IGSF11: variants seen among roughly 807,000 people sequenced by gnomAD.
IGSF11 encodes CXADR like 1.
IGSF11 carries 22 observed loss-of-function variants against 41.0 expected under a neutral mutation model. That is an observed-to-expected ratio of 0.54 (90% confidence interval 0.38 to 0.77). IGSF11 has a LOEUF of 0.77. Among genes scored for constraint, IGSF11 ranks in the 30% least tolerant of loss-of-function variants. The pLI is 0.00. For synonymous variants in IGSF11, 219 were observed against 201.3 expected, an observed-to-expected ratio of 1.09 and a Z score of -0.74; for missense variants, 444 against 530.8, an observed-to-expected ratio of 0.84 and a Z score of 1.61.
At chr3:119,067,338 A>G (rs569861302) in intron 1 of IGSF11, among the ~76,000 whole-genome samples, 50 of 145,444 alleles carry the variant, frequency 3.4e-4, no homozygotes, top group Admixed American at 3.4e-3. Context: ...TCTTCTGGAG[A>G]TCCTGGTGAG....
chr3:118,930,963 A>C (rs1235719638), intron 1 of IGSF11, among the ~76,000 whole-genome samples: 1 of 152,198 alleles, frequency 6.6e-6, no homozygotes, highest in Non-Finnish European at 1.5e-5. Context: ...CACACTACCC[A>C]ATTTTAAAAC....
intron 1 of IGSF11, among the ~76,000 whole-genome samples, chr3:118,973,700 G>T (rs1933714700): frequency 6.6e-6 from 1 of 152,190 alleles, no homozygotes; most frequent in South Asian, 2.1e-4. Context: ...AGATGGTGAG[G>T]TACTGAATTG....
At chr3:118,947,825 T>C (rs1237760392) in intron 1 of IGSF11, 1 of 152,274 alleles carries the variant, frequency 6.6e-6, no homozygotes, top group African/African-American at 2.4e-5. Context: ...ATTGTTAACT[T>C]GATATAAATA....
intron 1 of IGSF11, among the ~76,000 whole-genome samples, chr3:119,114,364 A>G (rs916854307): frequency 1.3e-5 from 2 of 152,244 alleles, no homozygotes; most frequent in Admixed American, 6.5e-5. Flanking sequence ...GCTCACAAAT[A>G]TAAGCCTAGG....
At chr3:118,917,612 T>C (rs2107505522) in intron 4 of IGSF11, among the ~76,000 whole-genome samples, 1 of 106,364 alleles carries the variant, frequency 9.4e-6, no homozygotes, top group South Asian at 4.3e-4. Flanking sequence ...GTGGCAATAA[T>C]CAATAGTTTA....
chr3:119,096,742 C>A (rs895939499), intron 1 of IGSF11, among the ~76,000 whole-genome samples: 2 of 152,176 alleles, frequency 1.3e-5, no homozygotes, highest in Admixed American at 1.3e-4. Flanking sequence ...AAAGGGGAAA[C>A]AAACAATAAC....
intron 1 of IGSF11, among the ~76,000 whole-genome samples, chr3:118,958,931 G>A (rs1034612032): frequency 2.6e-5 from 4 of 152,168 alleles, no homozygotes; most frequent in African/African-American, 7.2e-5. Context: ...AACATTAATA[G>A]AAGTCATCAT....
rs559011331 is a variant in IGSF11, at chr3:118,980,132, A to G, written c.53-49857T>C. Reference sequence around the variant, plus strand: ...TCAAAAAACAACAACAACAACAACCACAAACAGAACTACCATACAATCCAG... The same window carrying G: ...TCAAAAAACAACAACAACAACAACCGCAAACAGAACTACCATACAATCCAG... On this transcript the variant is annotated intron_variant, in intron 1 of 6. Coordinates refer to ENST00000393775, the MANE Select transcript of IGSF11 (RefSeq NM_001015887.3). Among the ~76,000 whole-genome samples the G allele has an allele frequency of 3.9e-5, 6 of 152,318 alleles. No individual in the cohort carries two copies. In the South Asian group the frequency reaches 1.2e-3, roughly 32 times the overall value.
At chr3:118,967,006 G>A (rs1156751827) in intron 1 of IGSF11, among the ~76,000 whole-genome samples, 1 of 151,952 alleles carries the variant, frequency 6.6e-6, no homozygotes, top group African/African-American at 2.4e-5. Context: ...AGGGAAAGGA[G>A]AAGAAAGAAA....
At chr3:118,974,263 A>T (rs2107623305) in intron 1 of IGSF11, among the ~76,000 whole-genome samples, 1 of 152,322 alleles carries the variant, frequency 6.6e-6, no homozygotes, top group African/African-American at 2.4e-5. Context: ...GTATTTGAAT[A>T]AAAAAGAGAC....
intron 1 of IGSF11, among the ~76,000 whole-genome samples, chr3:119,017,014 T>TAC (rs1241772205): frequency 1.5e-5 from 2 of 129,288 alleles, no homozygotes; most frequent in African/African-American, 6.2e-5. Context: ...GGCTAAAGCA[T>TAC]GAGCAAAGTT....
At chr3:119,109,900 T>C (rs1298382108), upstream of IGSF11, among the ~76,000 whole-genome samples, 1 of 152,212 alleles carries the variant, frequency 6.6e-6, no homozygotes, top group Non-Finnish European at 1.5e-5. Flanking sequence ...TTGAGCGGTT[T>C]TGAGTGAGTT....
intron 1 of IGSF11, among the ~76,000 whole-genome samples, chr3:118,967,894 T>A (rs547087587): frequency 5.3e-5 from 8 of 152,180 alleles, no homozygotes; most frequent in African/African-American, 1.9e-4. Flanking sequence ...TCAGTGCATG[T>A]TCTTCTTTAT....
At chr3:118,917,041 G>T (rs1346945992) in intron 4 of IGSF11, among the ~76,000 whole-genome samples, 3 of 152,182 alleles carry the variant, frequency 2.0e-5, no homozygotes, top group African/African-American at 7.2e-5. Context: ...CAGAAATAAA[G>T]ATGTTCTTTG....
chr3:119,025,817 T>C (rs372233433), intron 1 of IGSF11, among the ~76,000 whole-genome samples: 2 of 152,122 alleles, frequency 1.3e-5, no homozygotes, highest in African/African-American at 2.4e-5. Flanking sequence ...ATAGGGTATA[T>C]GTACAAAGAT....
intron 1 of IGSF11, among the ~76,000 whole-genome samples, chr3:119,121,669 CTG>C (rs1488087234): frequency 1.3e-5 from 2 of 151,978 alleles, no homozygotes; most frequent in Non-Finnish European, 2.9e-5. Flanking sequence ...ACTAAAAACT[CTG>C]AGTTGATAAA....
At chr3:119,129,090 C>T (rs1028199267) in intron 1 of IGSF11, among the ~76,000 whole-genome samples, 1 of 152,014 alleles carries the variant, frequency 6.6e-6, no homozygotes, top group African/African-American at 2.4e-5. Flanking sequence ...TATTCTCACT[C>T]GTAAGTGGGA....
intron 1 of IGSF11, among the ~76,000 whole-genome samples, chr3:119,141,342 A>G (rs1254630017): frequency 6.6e-6 from 1 of 151,362 alleles, no homozygotes; most frequent in Non-Finnish European, 1.5e-5. Context: ...CAATAGCCTA[A>G]TTTTCCACCT....
chr3:119,043,593 A>C (rs1445308581), intron 1 of IGSF11, among the ~76,000 whole-genome samples: 2 of 152,222 alleles, frequency 1.3e-5, no homozygotes, highest in Non-Finnish European at 2.9e-5. Context: ...GCATGCTAGC[A>C]TAACAACCAT....
Sources: allele counts gnomAD v4.1 joint callset (sites outside exome capture counted in the v4.1 genomes callset), GRCh38; gene constraint gnomAD v4.1.1; transcripts MANE v1.5; gene names NCBI Gene and HGNC (gene_info 2026-07-23, HGNC 2026-07-21).